The following DYNC2H1 variants were observed in gnomAD, a reference collection of about 807,000 sequenced individuals.
The protein encoded by DYNC2H1 is cytoplasmic dynein 2 heavy chain 1.
Under a neutral mutation model 570.0 loss-of-function variants are expected in DYNC2H1, and 410 were observed. The observed-to-expected ratio is 0.72, with a 90% CI of 0.66 to 0.78. The LOEUF is 0.78. Among genes scored for constraint, DYNC2H1 ranks in the 30% least tolerant of loss-of-function variants. The probability of loss-of-function intolerance (pLI) is 0.00; values close to 1 mark genes in which losing one functional copy is unlikely to be tolerated. For synonymous variants in DYNC2H1, 1,688 were observed against 1,677.6 expected (o/e 1.01, Z -0.15); for missense variants, 4,865 against 5,046.4 (o/e 0.96, Z 1.09).
Position 103,445,797 on chromosome 11 carries a change from G to A in DYNC2H1, c.12457-9389G>A, listed in dbSNP as rs143000216. 9.8e-3 allele frequency among the ~76,000 whole-genome samples: 1,487 copies of A among 152,146 alleles called. 15 individuals carry two copies. Among genetic ancestry groups the A allele is most frequent in the Non-Finnish European group, 0.015 (995 of 67,974 alleles). ...CTCCCTAGCAGCTGGGACTACAGGC[G>A]CACACCATCATGCCCGGCTAATTTT... On this transcript the variant is annotated intron_variant, in intron 85 of 88. Transcript: ENST00000375735.
rs546731701 is a variant in DYNC2H1 at position 103,215,573 on chromosome 11, G to A, written c.8695-148G>A. ...CATGTGAAATAAATTGTTATAATTAGCAATAAGAAAAAACCTAAGTCTACT... is the reference window on the plus strand; with the variant it reads ...CATGTGAAATAAATTGTTATAATTAACAATAAGAAAAAACCTAAGTCTACT... On this transcript the variant is annotated intron_variant, in intron 54 of 88. Transcript: ENST00000375735. The A allele has an allele frequency of 1.4e-5, 9 of 639,968 alleles. No homozygotes were observed. The African/African-American group carries it at 1.7e-4, about 12-fold the overall frequency. The allele number at this position is 639,968 out of a possible 1,614,324, so 39.6% of individuals were successfully genotyped here.
chr11:103,476,156 T>C (rs1945539903), intron 88 of DYNC2H1, among the ~76,000 whole-genome samples: 1 of 152,198 alleles, frequency 6.6e-6, no homozygotes, highest in Non-Finnish European at 1.5e-5. Flanking sequence ...TTTTTATTCC[T>C]AAAGCTTTGC....
In DYNC2H1 at chr11:103,189,652, T is replaced by C; in HGVS notation, c.7293-20T>C. ...ATACTGATTTATTTCAGCTTTCTTC[T>C]TATATGCCATTTTTTTTAGTTACCC... is the stretch of plus-strand genomic sequence containing the variant. On this transcript the variant is annotated intron_variant, in intron 44 of 88. Coordinates refer to ENST00000375735, the MANE Select transcript of DYNC2H1 (RefSeq NM_001377.3). This position sits in a 1 kb window ranked among gnomAD's most constrained non-coding sequence, Gnocchi z 4.3. 6.2e-7 allele frequency: 1 copy of C among 1,608,716 alleles called. No individual in the cohort carries two copies. The highest frequency in any genetic ancestry group is 8.5e-7 in the Non-Finnish European group (1 of 1,177,368).
intron 83 of DYNC2H1, among the ~76,000 whole-genome samples, chr11:103,388,650 T>C (rs1941996051): frequency 6.6e-6 from 1 of 152,172 alleles, no homozygotes; most frequent in South Asian, 2.1e-4. Context: ...TTCTCATAGA[T>C]AGCTCTTATT....
intron 85 of DYNC2H1, among the ~76,000 whole-genome samples, chr11:103,444,764 C>A (rs1944371607): frequency 6.6e-6 from 1 of 152,142 alleles, no homozygotes; most frequent in Admixed American, 6.5e-5. Context: ...GAGGGAAAAA[C>A]AAATCCAGGT....
At chr11:103,360,188 G>GAAAATTTAGGA (rs1565526610) in intron 83 of DYNC2H1, among the ~76,000 whole-genome samples, 1 of 151,710 alleles carries the variant, frequency 6.6e-6, no homozygotes, top group East Asian at 1.9e-4. Flanking sequence ...CTATTTTAGG[G>GAAAATTTAGGA]GAAATCATAA....
intron 87 of DYNC2H1, among the ~76,000 whole-genome samples, chr11:103,467,930 A>G (rs1168038113): frequency 6.6e-6 from 1 of 152,222 alleles, no homozygotes; most frequent in African/African-American, 2.4e-5. Flanking sequence ...CAGAAGAGCT[A>G]TAAATGCCAA....
At chr11:103,352,170 C>T (rs1940086253) in intron 82 of DYNC2H1, among the ~76,000 whole-genome samples, 1 of 151,904 alleles carries the variant, frequency 6.6e-6, no homozygotes, top group African/African-American at 2.4e-5. Flanking sequence ...GGTAAGAAAT[C>T]TCTTAATTTT....
chr11:103,350,201 C>T, intron 82 of DYNC2H1, among the ~76,000 whole-genome samples: 1 of 151,514 alleles, frequency 6.6e-6, no homozygotes, highest in East Asian at 1.9e-4. Context: ...TTTTTGAGGC[C>T]CCCAAATCAT....
intron 82 of DYNC2H1, among the ~76,000 whole-genome samples, chr11:103,346,768 A>AG (rs1939765228): frequency 6.6e-6 from 1 of 152,218 alleles, no homozygotes; most frequent in South Asian, 2.1e-4. Flanking sequence ...ACAAAAGAAA[A>AG]GTTGATACAA....
rs1180946135 is a variant in DYNC2H1 at position 103,261,481 on chromosome 11, C to T, written c.10695+1504C>T. On this transcript the variant is annotated intron_variant, in intron 70 of 88. Coordinates refer to ENST00000375735, the MANE Select transcript of DYNC2H1 (RefSeq NM_001377.3). This position sits in a 1 kb window ranked among gnomAD's most constrained non-coding sequence, Gnocchi z 4.8. ...GCATCTGGTGCGTGCCCCTCTAGGA[C>T]GAAGCTTCCAGAGGAAAGAACAGGC... 2.0e-5 allele frequency among the ~76,000 whole-genome samples: 3 copies of T among 152,104 alleles called. No homozygotes were observed. Among genetic ancestry groups the T allele is most frequent in the Non-Finnish European group, 4.4e-5 (3 of 68,030 alleles).
intron 84 of DYNC2H1, chr11:103,404,402 T>G (rs1393519763): frequency 6.6e-6 from 1 of 151,306 alleles, no homozygotes; most frequent in Non-Finnish European, 1.5e-5. Flanking sequence ...GTTCAGTTGT[T>G]AGAACTTTTC....
intron 13 of DYNC2H1, among the ~76,000 whole-genome samples, chr11:103,130,426 A>G (rs545118435): frequency 3.3e-5 from 5 of 152,292 alleles, no homozygotes; most frequent in African/African-American, 1.2e-4. Flanking sequence ...CAAGCTTGAT[A>G]ATTCTAGAAG....
chr11:103,233,129 A>G (rs919801761), intron 60 of DYNC2H1, among the ~76,000 whole-genome samples: 1 of 151,976 alleles, frequency 6.6e-6, no homozygotes, highest in African/African-American at 2.4e-5. Flanking sequence ...ATATACTGTA[A>G]AGTACATGCA....
rs1862096328 is a variant in DYNC2H1 at position 103,186,928 on chromosome 11, G to A, written c.6894-412G>A. Reference sequence around the variant, plus strand: ...AGTCTCCTGAAATATAGGAACCATGGTTTATTATTTTCATATTTCTAGTAG... The same window carrying A: ...AGTCTCCTGAAATATAGGAACCATGATTTATTATTTTCATATTTCTAGTAG... On this transcript the variant is annotated intron_variant, in intron 42 of 88. Coordinates refer to ENST00000375735, the MANE Select transcript of DYNC2H1 (RefSeq NM_001377.3). This position sits in a 1 kb window ranked among gnomAD's most constrained non-coding sequence, Gnocchi z 4.5. Among the ~76,000 whole-genome samples, 1 of 151,842 alleles carries A rather than the reference G, an allele frequency of 6.6e-6. No individual in the cohort carries two copies. Among genetic ancestry groups the A allele is most frequent in the African/African-American group, 2.4e-5 (1 of 41,382 alleles).
At chr11:103,293,231 GA>G (rs1254352124) in intron 75 of DYNC2H1, among the ~76,000 whole-genome samples, 6 of 152,032 alleles carry the variant, frequency 3.9e-5, no homozygotes, top group Non-Finnish European at 8.8e-5. Context: ...TAGCACTCTG[GA>G]TATGTCATCC....
At position 103,305,818 on chromosome 11, in the gene DYNC2H1, G is replaced by T. The variant is rs999760407; in HGVS notation, c.11382+1098G>T. Among the ~76,000 whole-genome samples the T allele has an allele frequency of 1.3e-5, 2 of 152,080 alleles. No homozygotes were observed. The highest frequency in any genetic ancestry group is 4.8e-5 in the African/African-American group (2 of 41,410). Reference sequence around the variant, plus strand: ...TAATCAAGAGAAGATACAGATTTTGGACTATGAATATTCATGTAATTCTAT... The same window carrying T: ...TAATCAAGAGAAGATACAGATTTTGTACTATGAATATTCATGTAATTCTAT... On this transcript the variant is annotated intron_variant, in intron 77 of 88. Transcript: ENST00000375735. This position sits in a 1 kb window ranked among gnomAD's most constrained non-coding sequence, Gnocchi z 4.3.
intron 84 of DYNC2H1, among the ~76,000 whole-genome samples, chr11:103,414,525 A>AG (rs1943207107): frequency 6.6e-6 from 1 of 152,160 alleles, no homozygotes; most frequent in Non-Finnish European, 1.5e-5. Context: ...AGGCTGAGGC[A>AG]GAAGAATTGT....
Position 103,121,371 on chromosome 11 carries a change from G to T in DYNC2H1, c.1361-1G>T. ...TCATTTATTTGATTTAAATTTTATAGATTTTCGATTAGACTTTGAGAATCG... is the reference window on the plus strand; with the variant it reads ...TCATTTATTTGATTTAAATTTTATATATTTTCGATTAGACTTTGAGAATCG... On this transcript the variant is annotated splice_acceptor_variant, in intron 9 of 88. Transcript: ENST00000375735. LOFTEE classifies it high-confidence loss of function. The T allele has an allele frequency of 6.3e-7, 1 of 1,591,750 alleles. No individual in the cohort carries two copies. The highest frequency in any genetic ancestry group is 1.2e-5 in the South Asian group (1 of 86,390).
Sources: allele counts gnomAD v4.1 joint callset (sites outside exome capture counted in the v4.1 genomes callset), GRCh38; gene constraint gnomAD v4.1.1; non-coding constraint Gnocchi (gnomAD v3.1); transcripts MANE v1.5; gene names NCBI Gene and HGNC (gene_info 2026-07-23, HGNC 2026-07-21).